INPP5D: variants seen among roughly 807,000 people sequenced by gnomAD.
INPP5D encodes the protein phosphatidylinositol 3,4,5-trisphosphate 5-phosphatase 1.
A neutral mutation model predicts 122.9 loss-of-function variants in INPP5D; 33 were observed. The ratio of observed to expected loss-of-function variants is 0.27; its 90% CI spans 0.20 to 0.36. The LOEUF is 0.36. Among genes scored for constraint, INPP5D ranks in the 10% least tolerant of loss-of-function variants. The pLI is 1.00. For synonymous variants in INPP5D, 584 were observed against 576.2 expected (o/e 1.01, Z -0.19); for missense variants, 1,053 against 1,412.7 (o/e 0.75, Z 4.08).
In INPP5D at chr2:233,202,049, C is replaced by T. The variant is rs186943181; in HGVS notation, c.2976-2077C>T. Among the ~76,000 whole-genome samples, 26 of 148,344 alleles carry T rather than the reference C, an allele frequency of 1.8e-4. No homozygotes were observed. The East Asian group carries it at 5.2e-3, about 30-fold the overall frequency. ...AAGCCTCCTCTTAGAGGGAAGGCTT[C>T]CCTGGTCTCTATCTCACTGCTCTTT... is the stretch of plus-strand genomic sequence containing the variant. On this transcript the variant is annotated intron_variant, in intron 25 of 26. Coordinates refer to ENST00000445964, the MANE Select transcript of INPP5D (RefSeq NM_001017915.3).
In INPP5D at chr2:233,163,790, A is replaced by C. The variant is rs769084210; in HGVS notation, c.1324A>C (p.Ile442Leu). 1.9e-6 allele frequency: 3 copies of C among 1,613,788 alleles called. No individual in the cohort carries two copies. The highest frequency in any genetic ancestry group is 2.7e-5 in the African/African-American group (2 of 74,884). ...GACGCGGGACGACTCTGCGGACTAC[A>C]TCCCCCATGACATTTACGTGATCGG... Reference protein sequence around the residue: ...GKTRDDSADYIPHDIYVIGTQ... With the variant: ...GKTRDDSADYLPHDIYVIGTQ... Residue 442 changes from isoleucine (I) to leucine (L), a missense_variant, in exon 12 of 27, where the codon ATC (isoleucine) becomes CTC (leucine). Physicochemically the swap from Ile to Leu is conservative, Grantham distance 5. Around this residue, in one of 6 missense-constraint regions of INPP5D, gnomAD observed 105 missense variants for 199.8 expected, o/e 0.53. Transcript: ENST00000445964.
At chr2:233,195,576 A>T in intron 24 of INPP5D, 81 bp downstream of exon 24, 1 of 1,591,412 alleles carries the variant, frequency 6.3e-7, no homozygotes, top group Non-Finnish European at 8.5e-7. Flanking sequence ...GCCGGGTGCG[A>T]TGGTTCACGC....
At position 233,125,905 on chromosome 2, in the gene INPP5D, C is replaced by T; in HGVS notation, c.510C>T (p.Ser170=). The T allele has an allele frequency of 6.2e-7, 1 of 1,613,592 alleles. No individual in the cohort carries two copies. Residue 170 remains serine (S), a synonymous_variant, in exon 4 of 27, where the codon AGC becomes AGT. Coordinates refer to ENST00000445964, the MANE Select transcript of INPP5D (RefSeq NM_001017915.3). ...AGACATTGTTCCAGCGACTGCAAAG[C>T]ATGGACACCAGTGGGTGAGTCCCCA... is the stretch of plus-strand genomic sequence containing the variant. The part of the protein sequence containing the change: ...LSETLFQRLQ[S]MDTSGLPEEH...
At chr2:233,071,483 A>T (rs901951251) in intron 1 of INPP5D, among the ~76,000 whole-genome samples, 8 of 152,176 alleles carry the variant, frequency 5.3e-5, no homozygotes, top group Non-Finnish European at 1.2e-4. Flanking sequence ...CATAACAATT[A>T]TACCACCTAA....
At chr2:233,130,821 A>T (rs1238755665) in intron 5 of INPP5D, 173 bp downstream of exon 5, 2 of 781,914 alleles carry the variant, frequency 2.6e-6, no homozygotes, top group African/African-American at 1.7e-5. Context: ...AGGTCTTGTT[A>T]TCATGGAATT....
intron 13 of INPP5D, among the ~76,000 whole-genome samples, chr2:233,167,805 G>A (rs1488357101): frequency 6.6e-6 from 1 of 152,100 alleles, no homozygotes; most frequent in Non-Finnish European, 1.5e-5. Context: ...AGTAGTTTGA[G>A]ACCAACCTGG....
intron 5 of INPP5D, among the ~76,000 whole-genome samples, chr2:233,137,817 A>G (rs1463110749): frequency 3.4e-5 from 3 of 87,576 alleles, no homozygotes; most frequent in Non-Finnish European, 4.8e-5. Flanking sequence ...GGGCAACAAG[A>G]GCGAAACTCC....
intron 18 of INPP5D, among the ~76,000 whole-genome samples, chr2:233,178,932 A>G (rs1411949360): frequency 6.6e-6 from 1 of 152,098 alleles, no homozygotes; most frequent in East Asian, 1.9e-4. Context: ...GGACTGGCAA[A>G]TTTGGTCTCA....
chr2:233,122,348 A>G, intron 3 of INPP5D, 91 bp downstream of exon 3: 2 of 1,353,370 alleles, frequency 1.5e-6, no homozygotes, highest in Non-Finnish European at 2.0e-6. Flanking sequence ...GAGTCCTATT[A>G]TCAGAGGGAG....
intron 2 of INPP5D, among the ~76,000 whole-genome samples, chr2:233,096,450 G>A (rs13005673): frequency 0.15 from 22,415 of 152,160 alleles, 1,808 homozygotes; most frequent in East Asian, 0.35. Flanking sequence ...TCAGAAGTTC[G>A]AGACCAGCCT....
At chr2:233,114,871 CTTT>C (rs538448378) in intron 2 of INPP5D, among the ~76,000 whole-genome samples, 1 of 144,942 alleles carries the variant, frequency 6.9e-6, no homozygotes. Context: ...TTTGTTTCCA[CTTT>C]TTTTTTTTTT....
At chr2:233,066,589 C>A (rs983791701) in intron 1 of INPP5D, among the ~76,000 whole-genome samples, 1 of 152,026 alleles carries the variant, frequency 6.6e-6, no homozygotes, top group African/African-American at 2.4e-5. Flanking sequence ...TACAGTCACC[C>A]TTTCTATGGT....
chr2:233,166,189 A>T (rs139811640), intron 13 of INPP5D, among the ~76,000 whole-genome samples: 3,232 of 151,990 alleles, frequency 0.021, 78 homozygotes, highest in East Asian at 0.12. Context: ...TGTGGATTCC[A>T]TCGCTCCCTG....
In INPP5D at chr2:233,186,684, C is replaced by CTTTTTTTTTTTTTTTTTTTTTT. The variant is rs144243823; in HGVS notation, c.2358+794_2358+815dup. ...CTTGTTTTTTTTTCTTTTTCTCTTT[C>CTTTTTTTTTTTTTTTTTTTTTT]TTTTTTTTTTTTTTTTTTTTTTTTT... On this transcript the variant is annotated intron_variant, in intron 21 of 26. Transcript: ENST00000445964. Among the ~76,000 whole-genome samples the CTTTTTTTTTTTTTTTTTTTTTT allele has an allele frequency of 4.9e-4, 22 of 44,532 alleles. 5 individuals are homozygous for CTTTTTTTTTTTTTTTTTTTTTT. The highest frequency in any genetic ancestry group is 7.8e-4 in the Non-Finnish European group (18 of 23,224). The allele number at this position is 44,532 out of a possible 152,430, so 29.2% of individuals were successfully genotyped here.
intron 13 of INPP5D, among the ~76,000 whole-genome samples, chr2:233,166,537 C>T (rs1694344387): frequency 1.3e-5 from 2 of 152,174 alleles, no homozygotes; most frequent in Non-Finnish European, 2.9e-5. Context: ...GCCAGAGTCC[C>T]AGCTTTATGA....
At chr2:233,145,374 C>T (rs868142921) in intron 6 of INPP5D, 3 of 455,562 alleles carry the variant, frequency 6.6e-6, no homozygotes, top group African/African-American at 2.0e-5. Context: ...CCCAGTGTTG[C>T]AGTACTGAAC....
intron 18 of INPP5D, among the ~76,000 whole-genome samples, chr2:233,178,459 ATTATTTATTTATTTAT>A (rs58617952): frequency 9.0e-4 from 131 of 145,334 alleles, no homozygotes; most frequent in Non-Finnish European, 1.7e-3. Context: ...GTGGTATTTT[ATTATTTATTTATTTAT>A]TTATTTATTT....
At position 233,186,412 on chromosome 2, in the gene INPP5D, G is replaced by A. The variant is rs144641455; in HGVS notation, c.2358+487G>A. ...GATCATACACTTGTGAACACACGAA[G>A]TACTCGACATGTCTGTGGCCCTGCA... On this transcript the variant is annotated intron_variant, in intron 21 of 26. Transcript: ENST00000445964. Among the ~76,000 whole-genome samples the A allele has an allele frequency of 5.1e-4, 78 of 152,298 alleles. 2 individuals carry two copies. The East Asian group carries it at 0.013, about 26-fold the overall frequency.
chr2:233,191,157 A>G (rs1695047897), intron 22 of INPP5D, among the ~76,000 whole-genome samples: 1 of 152,182 alleles, frequency 6.6e-6, no homozygotes, highest in Admixed American at 6.5e-5. Context: ...AGGCCTCAGG[A>G]AACTTACAAT....
Sources: allele counts gnomAD v4.1 joint callset (sites outside exome capture counted in the v4.1 genomes callset), GRCh38; gene constraint gnomAD v4.1.1; regional missense constraint gnomAD v4.1.1; transcripts MANE v1.5; gene names NCBI Gene and HGNC (gene_info 2026-07-23, HGNC 2026-07-21).